PNPLA8: variants seen among roughly 807,000 people sequenced by gnomAD.
PNPLA8 encodes the protein patatin like domain 8, phospholipase A2.
PNPLA8 carries 39 observed loss-of-function variants against 76.9 expected under a neutral mutation model. The observed-to-expected ratio is 0.51, with a 90% CI of 0.39 to 0.66. PNPLA8 has a LOEUF of 0.66. Among genes scored for constraint, PNPLA8 ranks in the 30% least tolerant of loss-of-function variants. The probability of loss-of-function intolerance (pLI) is 0.00; values close to 1 mark genes in which losing one functional copy is unlikely to be tolerated. For synonymous variants in PNPLA8, 301 were observed against 307.9 expected (o/e 0.98, Z 0.24); for missense variants, 887 against 918.0 (o/e 0.97, Z 0.44).
upstream of PNPLA8, chr7:108,526,386 G>A: frequency 6.5e-6 from 1 of 154,834 alleles, no homozygotes; most frequent in East Asian, 1.9e-4. Flanking sequence ...TGCGCGAGGC[G>A]TGGCTTGCTG....
chr7:108,474,267 T>C (rs1859824204), intron 10 of PNPLA8, among the ~76,000 whole-genome samples: 1 of 152,196 alleles, frequency 6.6e-6, no homozygotes, highest in African/African-American at 2.4e-5. Flanking sequence ...CTCCAGCATA[T>C]TCTTCTATAT....
Position 108,514,637 on chromosome 7 carries a change from T to G in PNPLA8, c.855A>C (p.Gln285His). Reference sequence around the variant, plus strand: ...GACGAGAAAGAAAGTTAGCAATACTTTGTTTAGTTGAAACTTGAAGAACAT... The same window carrying G: ...GACGAGAAAGAAAGTTAGCAATACTGTGTTTAGTTGAAACTTGAAGAACAT... ...IPDVLQVSTK[Q>H]SIANFLSRPT... Residue 285 changes from glutamine to histidine, a missense_variant, in exon 3 of 11, where the codon CAA becomes CAC. Transcript: ENST00000257694. The G allele has an allele frequency of 3.7e-6, 6 of 1,613,958 alleles. No individual in the cohort carries two copies. Among genetic ancestry groups the G allele is most frequent in the Non-Finnish European group, 5.1e-6 (6 of 1,179,868 alleles).
intron 9 of PNPLA8, among the ~76,000 whole-genome samples, chr7:108,481,879 T>A (rs1220335166): frequency 6.6e-6 from 1 of 152,108 alleles, no homozygotes; most frequent in African/African-American, 2.4e-5. Context: ...CTGGGGTGTG[T>A]TTGTGTGTGT....
intron 9 of PNPLA8, among the ~76,000 whole-genome samples, chr7:108,482,317 G>A (rs907485726): frequency 1.3e-5 from 2 of 151,968 alleles, no homozygotes; most frequent in African/African-American, 4.8e-5. Flanking sequence ...CTAAAAATAA[G>A]AAACATTAGC....
At chr7:108,490,188 A>T (rs576909110) in intron 8 of PNPLA8, among the ~76,000 whole-genome samples, 12 of 152,326 alleles carry the variant, frequency 7.9e-5, no homozygotes, top group Non-Finnish European at 1.5e-4. Context: ...CACCTGCTGT[A>T]CAGGTTTATA....
intron 9 of PNPLA8, among the ~76,000 whole-genome samples, chr7:108,481,810 A>T (rs573370610): frequency 1.3e-5 from 2 of 152,200 alleles, no homozygotes; most frequent in African/African-American, 2.4e-5. Context: ...TTTTACATTT[A>T]GAACTACGAT....
At chr7:108,479,646 A>C in intron 9 of PNPLA8, 1 of 453,988 alleles carries the variant, frequency 2.2e-6, no homozygotes, top group Non-Finnish European at 4.0e-6. Flanking sequence ...GAAATGAACG[A>C]AATTACTTTT....
chr7:108,505,325 TA>T (rs1563967480), intron 4 of PNPLA8, among the ~76,000 whole-genome samples: 606 of 9,192 alleles, frequency 0.066, 59 homozygotes, highest in East Asian at 0.079. Context: ...TATATATATA[TA>T]TATATATATA....
chr7:108,505,329 TATATATATATATATATATATATA>T (rs1453963578), intron 4 of PNPLA8, among the ~76,000 whole-genome samples: 248 of 9,542 alleles, frequency 0.026, 3 homozygotes, highest in African/African-American at 0.033. Flanking sequence ...TATATATATA[TATATATATATATATATATATATA>T]TTTTTTTTTT....
At position 108,472,490 on chromosome 7, in the gene PNPLA8, G is replaced by C. The variant is rs1341170938; in HGVS notation, c.2260C>G (p.Gln754Glu). The change falls in exon 11 of 11, where the codon CAA (glutamine) becomes GAA (glutamate). Residue 754 changes from glutamine to glutamate, a missense_variant. Transcript: ENST00000257694. ...KMKKVAKILSQEKTTLQKIND... is the reference protein window; with the variant it reads ...KMKKVAKILSEEKTTLQKIND... The stretch of plus-strand genomic sequence containing the variant: ...ATTTTCTGCAGAGTTGTTTTTTCTT[G>C]ACTTAATATTTTTGCAACTTTTTTC... 7 of 1,567,054 alleles carry C rather than the reference G, an allele frequency of 4.5e-6. No individual in the cohort carries two copies. Among genetic ancestry groups the C allele is most frequent in the African/African-American group, 1.4e-5 (1 of 73,308 alleles).
chr7:108,513,013 T>G (rs1337696152), intron 4 of PNPLA8, among the ~76,000 whole-genome samples: 1 of 152,166 alleles, frequency 6.6e-6, no homozygotes, highest in Non-Finnish European at 1.5e-5. Flanking sequence ...CATGAGAAGC[T>G]GCTGTCTAGG....
chr7:108,488,175 T>C (rs1860884339), intron 8 of PNPLA8, among the ~76,000 whole-genome samples: 1 of 152,150 alleles, frequency 6.6e-6, no homozygotes, highest in Admixed American at 6.5e-5. Flanking sequence ...ATGAGAATAA[T>C]AATAAAAGAG....
chr7:108,488,608 A>G (rs1860920212), intron 8 of PNPLA8, among the ~76,000 whole-genome samples: 1 of 152,166 alleles, frequency 6.6e-6, no homozygotes, highest in South Asian at 2.1e-4. Context: ...AGATAAGCAC[A>G]CTATTTTCAT....
intron 4 of PNPLA8, among the ~76,000 whole-genome samples, chr7:108,506,549 A>C (rs1324329584): frequency 1.3e-5 from 2 of 152,286 alleles, no homozygotes; most frequent in East Asian, 3.9e-4. Flanking sequence ...TTAGGTATAT[A>C]CTCCAAAGAA....
At chr7:108,503,703 T>C (rs1862127233) in intron 4 of PNPLA8, among the ~76,000 whole-genome samples, 1 of 152,122 alleles carries the variant, frequency 6.6e-6, no homozygotes, top group African/African-American at 2.4e-5. Context: ...GAGTAATTGC[T>C]AGGAAGTGAG....
intron 4 of PNPLA8, among the ~76,000 whole-genome samples, chr7:108,505,321 TATATATATATATATATATATATATA>T (rs1563967361): frequency 2.7e-4 from 1 of 3,686 alleles, no homozygotes; most frequent in African/African-American, 1.1e-3. Context: ...TATATATATA[TATATATATATATATATATATATATA>T]TATATATTTT....
rs1354275324 is a variant in PNPLA8 at position 108,480,848 on chromosome 7, T to C, written c.1879-1469A>G. 1.2e-5 allele frequency: 3 copies of C among 254,396 alleles called. No individual in the cohort carries two copies. In the Admixed American group the frequency reaches 1.3e-4, roughly 11 times the overall value. The allele number at this position is 254,396 out of a possible 1,614,324, so 15.8% of individuals were successfully genotyped here. ...TACCACAATCAAGATACAGAATAGTTCCATCACCCCCAAAAACTCTCTCAT... is the reference window on the plus strand; with the variant it reads ...TACCACAATCAAGATACAGAATAGTCCCATCACCCCCAAAAACTCTCTCAT... On this transcript the variant is annotated intron_variant, in intron 9 of 10. Transcript: ENST00000257694.
At chr7:108,498,255 T>C (rs1861699579) in intron 5 of PNPLA8, among the ~76,000 whole-genome samples, 1 of 151,766 alleles carries the variant, frequency 6.6e-6, no homozygotes, top group Non-Finnish European at 1.5e-5. Context: ...TACATTTTTG[T>C]CTTACATATT....
At chr7:108,509,040 G>A (rs1266715208) in intron 4 of PNPLA8, among the ~76,000 whole-genome samples, 1 of 118,198 alleles carries the variant, frequency 8.5e-6, no homozygotes, top group Non-Finnish European at 1.8e-5. Context: ...ATGGATTAAA[G>A]ATTTAAACGT....
Sources: allele counts gnomAD v4.1 joint callset (sites outside exome capture counted in the v4.1 genomes callset), GRCh38; gene constraint gnomAD v4.1.1; transcripts MANE v1.5; gene names NCBI Gene and HGNC (gene_info 2026-07-23, HGNC 2026-07-21).